SNX25: variants seen among roughly 807,000 people sequenced by gnomAD.
SNX25 encodes sorting nexin 25, also known as sorting nexin-25.
A neutral mutation model predicts 113.7 loss-of-function variants in SNX25; 62 were observed. That is an observed-to-expected ratio of 0.55 (90% CI 0.44 to 0.67). SNX25 has a LOEUF of 0.67. Among genes scored for constraint, SNX25 ranks in the 30% least tolerant of loss-of-function variants. The pLI, the probability that SNX25 is intolerant of heterozygous loss-of-function variation, is 0.00. For missense variants in SNX25, 1,014 were observed against 1,161.0 expected (o/e 0.87, Z 1.84); for synonymous variants, 421 against 436.2 (o/e 0.97, Z 0.43).
intron 6 of SNX25, among the ~76,000 whole-genome samples, chr4:185,293,259 T>C (rs1209364150): frequency 2.0e-5 from 3 of 152,226 alleles, no homozygotes; most frequent in Non-Finnish European, 4.4e-5. Flanking sequence ...AGAATTACCA[T>C]GTGACCTAGC....
chr4:185,328,577 G>A (rs2095172271), intron 9 of SNX25, among the ~76,000 whole-genome samples: 1 of 152,166 alleles, frequency 6.6e-6, no homozygotes, highest in South Asian at 2.1e-4. Flanking sequence ...ATTAAGCTGA[G>A]CGCTTTCTTA....
intron 6 of SNX25, among the ~76,000 whole-genome samples, chr4:185,297,066 C>T (rs1357932478): frequency 7.0e-6 from 1 of 143,614 alleles, no homozygotes; most frequent in Non-Finnish European, 1.5e-5. Context: ...GATTTTTCTG[C>T]TTATTTTCTT....
At chr4:185,367,095 G>T, downstream of SNX25, 3 of 1,175,604 alleles carry the variant, frequency 2.6e-6, no homozygotes, top group South Asian at 1.3e-5. Context: ...TTTGTGATGT[G>T]CAAAATAACC....
downstream of SNX25, among the ~76,000 whole-genome samples, chr4:185,374,907 A>G (rs765600453): frequency 1.7e-4 from 26 of 152,138 alleles, no homozygotes; most frequent in Non-Finnish European, 3.4e-4. Context: ...CCATTCAAGC[A>G]TACTTTTACT....
chr4:185,352,213 G>A (rs1056832945), intron 14 of SNX25, among the ~76,000 whole-genome samples: 3 of 152,168 alleles, frequency 2.0e-5, no homozygotes, highest in African/African-American at 7.2e-5. Context: ...CCCAGAGTAG[G>A]CTGTGCACTC....
At chr4:185,312,372 T>C (rs1294796958) in intron 7 of SNX25, among the ~76,000 whole-genome samples, 5 of 152,158 alleles carry the variant, frequency 3.3e-5, no homozygotes, top group Non-Finnish European at 7.4e-5. Flanking sequence ...AAAGATGATA[T>C]GCTTTTAGAT....
chr4:185,363,189 T>G lies in SNX25; in HGVS notation c.2935-196T>G, dbSNP rs1413553722. ...ATTGCCGCATAACTGGTTGGTTTTCTTATTTCAGCAAAGCCAACTGTTTCC... is the reference window on the plus strand; with the variant it reads ...ATTGCCGCATAACTGGTTGGTTTTCGTATTTCAGCAAAGCCAACTGTTTCC... On this transcript the variant is annotated intron_variant, in intron 18 of 18. Transcript: ENST00000652585. The surrounding 1 kb of genome is among the most constrained non-coding windows in gnomAD (Gnocchi z 4.2). Among the ~76,000 whole-genome samples the G allele has an allele frequency of 6.6e-6, 1 of 152,224 alleles. No individual in the cohort carries two copies. The highest frequency in any genetic ancestry group is 2.4e-5 in the African/African-American group (1 of 41,460).
intron 7 of SNX25, among the ~76,000 whole-genome samples, chr4:185,318,665 T>C (rs757404980): frequency 7.2e-5 from 11 of 152,224 alleles, no homozygotes; most frequent in Non-Finnish European, 1.2e-4. Flanking sequence ...CCAGTGTCCT[T>C]GTCTTTTATA....
chr4:185,309,421 A>G (rs975652292), intron 6 of SNX25, among the ~76,000 whole-genome samples: 1 of 152,228 alleles, frequency 6.6e-6, no homozygotes, highest in African/African-American at 2.4e-5. Flanking sequence ...TAAAAAGAGC[A>G]TGTGAGATGG....
chr4:185,300,839 T>TCACACACACA (rs1560985826), intron 6 of SNX25, among the ~76,000 whole-genome samples: 21 of 49,672 alleles, frequency 4.2e-4, no homozygotes, highest in African/African-American at 1.7e-3. Flanking sequence ...ATGATTATTA[T>TCACACACACA]GACACACACA....
At chr4:185,342,152 C>G (rs200671163) in intron 12 of SNX25, 36 bp downstream of exon 12, 1 of 1,499,908 alleles carries the variant, frequency 6.7e-7, no homozygotes, top group East Asian at 2.4e-5. Flanking sequence ...TCTAGAATTA[C>G]TGCACAAGAG....
intron 2 of SNX25, among the ~76,000 whole-genome samples, chr4:185,250,995 T>TTGTG (rs568840441): frequency 6.6e-5 from 10 of 150,788 alleles, no homozygotes; most frequent in Non-Finnish European, 1.0e-4. Context: ...TAATGTTTTG[T>TTGTG]TGTGTGTGTG....
At position 185,351,605 on chromosome 4, in the gene SNX25, A is replaced by G. The variant is rs1476880179; in HGVS notation, c.2462A>G (p.Gln821Arg). The G allele has an allele frequency of 1.9e-6, 3 of 1,613,784 alleles. No homozygotes were observed. The African/African-American group carries it at 4.0e-5, about 22-fold the overall frequency. Residue 821 changes from glutamine to arginine, a missense_variant, in exon 14 of 19, where the codon CAG becomes CGG. By Grantham distance (43) the Gln-to-Arg change is conservative (BLOSUM62 1). Coordinates refer to ENST00000652585, the MANE Select transcript of SNX25 (RefSeq NM_001378034.2). ...ERLPRDFFSH[Q>R]EEETEEDSDL... is the part of the protein sequence containing the mutation. ...CTTCCTCGCGACTTCTTCTCCCACCAGGAGGTGAGCCGTTGAAAGAGTGAA... is the reference window on the plus strand; with the variant it reads ...CTTCCTCGCGACTTCTTCTCCCACCGGGAGGTGAGCCGTTGAAAGAGTGAA...
At chr4:185,231,357 C>T (rs1741832769) in intron 1 of SNX25, among the ~76,000 whole-genome samples, 1 of 151,794 alleles carries the variant, frequency 6.6e-6, no homozygotes, top group Non-Finnish European at 1.5e-5. Context: ...CCTCGGCCTC[C>T]CAAAGTGCTG....
At chr4:185,275,254 A>G (rs1019589586) in intron 5 of SNX25, among the ~76,000 whole-genome samples, 3 of 152,224 alleles carry the variant, frequency 2.0e-5, no homozygotes, top group African/African-American at 4.8e-5. Context: ...ATCAACATGG[A>G]GAATCTGAAA....
At chr4:185,223,724 T>C (rs1740380689) in intron 1 of SNX25, among the ~76,000 whole-genome samples, 1 of 141,492 alleles carries the variant, frequency 7.1e-6, no homozygotes, top group South Asian at 2.4e-4. Flanking sequence ...GAGCTTGCAG[T>C]GAGCCGAGAT....
chr4:185,258,762 G>A, intron 2 of SNX25, 86 bp from the exon 3 acceptor site: 1 of 1,015,656 alleles, frequency 9.8e-7, no homozygotes, highest in Non-Finnish European at 1.5e-6. Context: ...ATATTAAATA[G>A]TAGGTGGCCA....
the SNX25 span, chr4:185,376,989 C>G: frequency 1.4e-5 from 22 of 1,613,488 alleles, no homozygotes; most frequent in Non-Finnish European, 1.9e-5. Context: ...AGCTGCAATG[C>G]CTTATCCACC....
At chr4:185,251,580 C>T (rs1323871294) in intron 2 of SNX25, among the ~76,000 whole-genome samples, 1 of 149,850 alleles carries the variant, frequency 6.7e-6, no homozygotes, top group Non-Finnish European at 1.5e-5. Context: ...CGTTTTCAGG[C>T]TGAATGATAT....
Sources: gnomAD v4.1 joint callset for allele counts (sites outside exome capture counted in the v4.1 genomes callset) on GRCh38, gnomAD v4.1.1 for gene constraint, Gnocchi (gnomAD v3.1) non-coding constraint, MANE v1.5 for transcripts, NCBI Gene and HGNC (gene_info 2026-07-23, HGNC 2026-07-21) for gene names.